The following PDSS2 variants were observed in gnomAD, a reference collection of about 807,000 sequenced individuals.
PDSS2 encodes the protein all trans-polyprenyl-diphosphate synthase PDSS2.
PDSS2 carries 31 observed loss-of-function variants against 44.5 expected under a neutral mutation model. The ratio of observed to expected loss-of-function variants is 0.70; its 90% CI spans 0.52 to 0.94. The LOEUF (loss-of-function observed/expected upper bound fraction) is 0.94, where lower values mean the gene tolerates loss of function less well. Ranked by LOEUF, PDSS2 falls within the 40% of genes least tolerant of loss-of-function variation. PDSS2 has a pLI of 0.00. For synonymous variants in PDSS2, 157 were observed against 180.3 expected (o/e 0.87, Z 1.03); for missense variants, 452 against 482.2 (o/e 0.94, Z 0.59).
At chr6:107,308,062 G>A (rs757741462) in intron 2 of PDSS2, among the ~76,000 whole-genome samples, 1 of 152,146 alleles carries the variant, frequency 6.6e-6, no homozygotes, top group Non-Finnish European at 1.5e-5. Flanking sequence ...AGTCAAAGAT[G>A]AGCACAACGT....
At chr6:107,249,435 C>G (rs1345283586) in intron 3 of PDSS2, among the ~76,000 whole-genome samples, 2 of 152,190 alleles carry the variant, frequency 1.3e-5, no homozygotes, top group Non-Finnish European at 2.9e-5. Context: ...CTCTGAAACA[C>G]TGACTTGCTG....
chr6:107,389,363 T>C (rs959042170), intron 1 of PDSS2, among the ~76,000 whole-genome samples: 5 of 152,202 alleles, frequency 3.3e-5, no homozygotes, highest in African/African-American at 7.2e-5. Context: ...TAAATAACTT[T>C]GGAAAATAAT....
intron 1 of PDSS2, among the ~76,000 whole-genome samples, chr6:107,413,483 C>A (rs1780566675): frequency 6.6e-6 from 1 of 152,180 alleles, no homozygotes; most frequent in Admixed American, 6.5e-5. Flanking sequence ...CTGCAGTGAG[C>A]CATGATTATG....
In PDSS2 at chr6:107,299,655, G is replaced by A. The variant is rs117506879; in HGVS notation, c.432-25428C>T. ...TACCAAGAGCTTCTATGAAGAATGC[G>A]GCTTCCCGAATATATTAATGCCCCA... On this transcript the variant is annotated intron_variant, in intron 2 of 7. Transcript: ENST00000369037. Among the ~76,000 whole-genome samples the A allele has an allele frequency of 0.013, 1,991 of 152,154 alleles. 114 individuals carry two copies. In the East Asian group the frequency reaches 0.19, roughly 15 times the overall value.
intron 4 of PDSS2, among the ~76,000 whole-genome samples, chr6:107,236,303 C>T (rs1207621942): frequency 6.6e-6 from 1 of 152,000 alleles, no homozygotes; most frequent in Non-Finnish European, 1.5e-5. Context: ...CACACAAAAG[C>T]TAAAAGAGTT....
At chr6:107,402,363 A>G (rs1459541201) in intron 1 of PDSS2, among the ~76,000 whole-genome samples, 2 of 115,886 alleles carry the variant, frequency 1.7e-5, no homozygotes, top group East Asian at 4.9e-4. Flanking sequence ...ATATAAAACA[A>G]TCAAACGTAT....
intron 4 of PDSS2, among the ~76,000 whole-genome samples, chr6:107,215,863 A>G (rs1773393968): frequency 6.6e-6 from 1 of 152,152 alleles, no homozygotes; most frequent in Admixed American, 6.5e-5. Flanking sequence ...AAGGTCGGGA[A>G]CGGTGGCTCA....
chr6:107,334,340 C>A lies in PDSS2; in HGVS notation c.297-8G>T. 2 of 1,613,148 alleles carry A rather than the reference C, an allele frequency of 1.2e-6. No individual in the cohort carries two copies. The highest frequency in any genetic ancestry group is 1.7e-6 in the Non-Finnish European group (2 of 1,179,416). On this transcript the variant is annotated splice_polypyrimidine_tract_variant and splice_region_variant and intron_variant, in intron 1 of 7. Coordinates refer to ENST00000369037, the MANE Select transcript of PDSS2 (RefSeq NM_020381.4). ...CTGTCATGTACAAGCCCCCTGCCAACAAGCAAAGAAGGAAGAGGATTAATA... is the reference window on the plus strand; with the variant it reads ...CTGTCATGTACAAGCCCCCTGCCAAAAAGCAAAGAAGGAAGAGGATTAATA...
At chr6:107,315,763 T>G (rs1235919669) in intron 2 of PDSS2, among the ~76,000 whole-genome samples, 1 of 152,100 alleles carries the variant, frequency 6.6e-6, no homozygotes, top group Non-Finnish European at 1.5e-5. Context: ...AGGACCTAAT[T>G]GAAATCTTGA....
intron 7 of PDSS2, among the ~76,000 whole-genome samples, chr6:107,157,076 C>T (rs1770926475): frequency 6.6e-6 from 1 of 152,162 alleles, no homozygotes; most frequent in Admixed American, 6.6e-5. Flanking sequence ...CTTGCTTAAA[C>T]CCTTCCAATA....
intron 6 of PDSS2, among the ~76,000 whole-genome samples, chr6:107,197,547 A>G (rs1377721421): frequency 6.6e-6 from 1 of 151,450 alleles, no homozygotes; most frequent in Non-Finnish European, 1.5e-5. Flanking sequence ...AGCTGGTGTC[A>G]GCTTGCTGAA....
In PDSS2 at chr6:107,152,588, T is replaced by C. The variant is rs782101070; in HGVS notation, c.*2031A>G. 2 of 149,308 alleles carry C rather than the reference T, an allele frequency of 1.3e-5. No individual in the cohort carries two copies. The highest frequency in any genetic ancestry group is 3.0e-5 in the Non-Finnish European group (2 of 67,570). 9.2% of individuals were successfully genotyped at this position (149,308 alleles called of 1,614,324 possible). ...TTCATAATTATCTTGTTTAATCTCTTTTTTTTTTTCACACTTGACTTTCAG... is the reference window on the plus strand; with the variant it reads ...TTCATAATTATCTTGTTTAATCTCTCTTTTTTTTTCACACTTGACTTTCAG... On this transcript the variant is annotated 3_prime_UTR_variant, in exon 8 of 8. Transcript: ENST00000369037.
At chr6:107,333,857 G>A (rs1324977054) in intron 2 of PDSS2, among the ~76,000 whole-genome samples, 1 of 152,062 alleles carries the variant, frequency 6.6e-6, no homozygotes, top group Non-Finnish European at 1.5e-5. Context: ...ATTTTGAGTA[G>A]ATTTAAAAAT....
At chr6:107,452,533 CTT>C (rs2114863239) in intron 1 of PDSS2, among the ~76,000 whole-genome samples, 1 of 151,810 alleles carries the variant, frequency 6.6e-6, no homozygotes, top group African/African-American at 2.4e-5. Flanking sequence ...CACCCAACCT[CTT>C]GAGTTCAGAG....
Position 107,154,545 on chromosome 6 carries a change from G to C in PDSS2, c.*74C>G, listed in dbSNP as rs1770815964. ...ATGTTTTAAAAGTCATTAACGCATC[G>C]TGAAAGCGCTCCCAATCAACCTCAT... On this transcript the variant is annotated 3_prime_UTR_variant, in exon 8 of 8. Coordinates refer to ENST00000369037, the MANE Select transcript of PDSS2 (RefSeq NM_020381.4). The C allele has an allele frequency of 7.2e-7, 1 of 1,387,558 alleles. No individual in the cohort carries two copies. Among genetic ancestry groups the C allele is most frequent in the African/African-American group, 1.4e-5 (1 of 70,490 alleles). 86.0% of individuals were successfully genotyped at this position (1,387,558 alleles called of 1,614,324 possible). A position where few individuals can be genotyped will look rare whatever the true frequency, so the allele number is the denominator to read the frequency against.
chr6:107,406,190 T>TC (rs1780315142), intron 1 of PDSS2, among the ~76,000 whole-genome samples: 2 of 152,198 alleles, frequency 1.3e-5, no homozygotes, highest in South Asian at 4.1e-4. Context: ...CGGTCAGGTA[T>TC]CCTACCCAAA....
chr6:107,273,924 C>A (rs1775686271), intron 3 of PDSS2, 105 bp downstream of exon 3: 1 of 815,580 alleles, frequency 1.2e-6, no homozygotes, highest in Non-Finnish European at 2.2e-6. Flanking sequence ...TGAGCATGTA[C>A]ATGAGGGGAG....
chr6:107,169,440 G>A (rs1170618297), intron 7 of PDSS2, among the ~76,000 whole-genome samples: 4 of 152,142 alleles, frequency 2.6e-5, no homozygotes, highest in East Asian at 1.9e-4. Context: ...CCTTTAGCTC[G>A]GAGAAGTCTG....
chr6:107,260,879 G>A (rs1337203784), intron 3 of PDSS2, among the ~76,000 whole-genome samples: 1 of 151,960 alleles, frequency 6.6e-6, no homozygotes, highest in African/African-American at 2.4e-5. Flanking sequence ...AGCCAGGATG[G>A]TCTCGATCTC....
Sources: gnomAD v4.1 joint callset for allele counts (sites outside exome capture counted in the v4.1 genomes callset) on GRCh38, gnomAD v4.1.1 for gene constraint, MANE v1.5 for transcripts, NCBI Gene and HGNC (gene_info 2026-07-23, HGNC 2026-07-21) for gene names.